The following PIEZO2 variants were observed in gnomAD, a reference collection of about 807,000 sequenced individuals.
PIEZO2 encodes piezo-type mechanosensitive ion channel component 2.
Under a neutral mutation model 337.3 loss-of-function variants are expected in PIEZO2, and 172 were observed. That is an observed-to-expected ratio of 0.51 (90% CI 0.45 to 0.58). PIEZO2 has a LOEUF of 0.58. Ranked by LOEUF, PIEZO2 falls within the 20% of genes least tolerant of loss-of-function variation. The pLI, the probability that PIEZO2 is intolerant of heterozygous loss-of-function variation, is 0.00. For missense variants in PIEZO2, 3,028 were observed against 3,391.3 expected (o/e 0.89, Z 2.66); for synonymous variants, 1,251 against 1,228.5 (o/e 1.02, Z -0.38).
intron 24 of PIEZO2, among the ~76,000 whole-genome samples, chr18:10,760,386 C>A (rs374367535): frequency 6.6e-6 from 1 of 152,292 alleles, no homozygotes; most frequent in African/African-American, 2.4e-5. Context: ...CTCACTGCAA[C>A]CTCTGCCTCC....
chr18:10,853,075 T>C lies in PIEZO2; in HGVS notation c.917+2278A>G, dbSNP rs1430511962. Among the ~76,000 whole-genome samples the C allele has an allele frequency of 6.6e-6, 1 of 152,204 alleles. No homozygotes were observed. The highest frequency in any genetic ancestry group is 2.4e-5 in the African/African-American group (1 of 41,454). ...AAGAGGTAAAATGGCGGAGTTTAACTGGTACATGACCTTGTAGGAGCATTC... is the reference window on the plus strand; with the variant it reads ...AAGAGGTAAAATGGCGGAGTTTAACCGGTACATGACCTTGTAGGAGCATTC... On this transcript the variant is annotated intron_variant, in intron 7 of 55. Coordinates refer to ENST00000674853, the MANE Select transcript of PIEZO2 (RefSeq NM_001378183.1). This position sits in a 1 kb window ranked among gnomAD's most constrained non-coding sequence, Gnocchi z 4.2.
intron 36 of PIEZO2, among the ~76,000 whole-genome samples, chr18:10,730,203 C>T (rs541484633): frequency 2.0e-5 from 3 of 152,344 alleles, no homozygotes; most frequent in East Asian, 1.9e-4. Flanking sequence ...AGACCTACTA[C>T]TTCACAATAC....
intron 47 of PIEZO2, among the ~76,000 whole-genome samples, chr18:10,692,379 C>T (rs1189986857): frequency 6.6e-6 from 1 of 152,080 alleles, no homozygotes; most frequent in Admixed American, 6.6e-5. Flanking sequence ...AATTAAGATC[C>T]ATACTTGAAT....
chr18:11,044,061 C>A lies in PIEZO2; in HGVS notation c.160+22066G>T, dbSNP rs1290765023. 4.0e-5 allele frequency among the ~76,000 whole-genome samples: 6 copies of A among 151,780 alleles called. No homozygotes were observed. In the East Asian group the frequency reaches 1.2e-3, roughly 29 times the overall value. On this transcript the variant is annotated intron_variant, in intron 2 of 55. Coordinates refer to ENST00000674853, the MANE Select transcript of PIEZO2 (RefSeq NM_001378183.1). ...TTTCCCAAGATTTATGCTATTATTC[C>A]TTTCATGCATTTTAATAAAGTAGGA...
At chr18:10,797,578 A>G in intron 11 of PIEZO2, 56 bp from the exon 12 acceptor site, 1 of 1,528,392 alleles carries the variant, frequency 6.5e-7, no homozygotes, top group Non-Finnish European at 8.7e-7. Flanking sequence ...CATTTGTATA[A>G]ATGTTCCAAG....
chr18:10,944,133 C>A (rs1201339905), intron 3 of PIEZO2, among the ~76,000 whole-genome samples: 1 of 151,662 alleles, frequency 6.6e-6, no homozygotes, highest in African/African-American at 2.4e-5. Context: ...TTTTAAACAA[C>A]AAAAAATAAA....
At chr18:10,886,378 G>GTA (rs1214519492) in intron 4 of PIEZO2, among the ~76,000 whole-genome samples, 87 of 3,172 alleles carry the variant, frequency 0.027, 11 homozygotes, top group Non-Finnish European at 0.037. Flanking sequence ...ATGTGTGTGT[G>GTA]TGTATATATA....
In PIEZO2 at chr18:10,762,547, C is replaced by G. The variant is rs898421844; in HGVS notation, c.3202G>C (p.Glu1068Gln). 3.9e-6 allele frequency: 6 copies of G among 1,537,364 alleles called. No homozygotes were observed. The highest frequency in any genetic ancestry group is 3.9e-5 in the Admixed American group (2 of 51,014). The change falls in exon 23 of 56, where the codon GAG (glutamate) becomes CAG (glutamine). Residue 1068 changes from glutamate (E) to glutamine (Q), a missense_variant. By Grantham distance (29) the Glu-to-Gln change is conservative. Transcript: ENST00000674853. ...GAAGACTTCCGCAGGCCGACCCACT[C>G]TGTAGGATCGATAGGAGCGCTGTAG... ...LLYSAPIDPT[E>Q]WVGLRKSSPL...
intron 7 of PIEZO2, among the ~76,000 whole-genome samples, chr18:10,838,827 C>T (rs544475218): frequency 5.9e-5 from 9 of 152,330 alleles, no homozygotes; most frequent in African/African-American, 2.2e-4. Context: ...GTCTTCCACA[C>T]TCCTGGGTTA....
intron 49 of PIEZO2, among the ~76,000 whole-genome samples, chr18:10,683,975 C>T (rs2034392782): frequency 6.6e-6 from 1 of 151,978 alleles, no homozygotes; most frequent in South Asian, 2.1e-4. Context: ...GGAAAGGCCT[C>T]TTAATCCATC....
Position 11,111,998 on chromosome 18 carries a change from G to A in PIEZO2, c.64+36527C>T. On this transcript the variant is annotated intron_variant, in intron 1 of 55. Transcript: ENST00000674853. The surrounding 1 kb of genome is among the most constrained non-coding windows in gnomAD (Gnocchi z 6.2). ...AGGTTCTGACTTAAGAGGGAAAATG[G>A]TAGGGGAGCCGTGAATGAAGTTTCA... Among the ~76,000 whole-genome samples, 1 of 152,160 alleles carries A rather than the reference G, an allele frequency of 6.6e-6. No individual in the cohort carries two copies. The highest frequency in any genetic ancestry group is 1.9e-4 in the East Asian group (1 of 5,196).
intron 7 of PIEZO2, among the ~76,000 whole-genome samples, chr18:10,814,265 C>T (rs1056156786): frequency 6.6e-6 from 1 of 151,816 alleles, no homozygotes; most frequent in African/African-American, 2.4e-5. Context: ...CACCGTGCCC[C>T]GTCCCATACT....
chr18:11,110,351 G>A lies in PIEZO2; in HGVS notation c.64+38174C>T, dbSNP rs779819382. On this transcript the variant is annotated intron_variant, in intron 1 of 55. Coordinates refer to ENST00000674853, the MANE Select transcript of PIEZO2 (RefSeq NM_001378183.1). This position sits in a 1 kb window ranked among gnomAD's most constrained non-coding sequence, Gnocchi z 4.2. ...CTGTTCTTTCTTTTCCAGAAATATC[G>A]TTTTATTTAAGAAGACAGTAGAAAG... 2.6e-5 allele frequency among the ~76,000 whole-genome samples: 4 copies of A among 152,164 alleles called. No individual in the cohort carries two copies. The highest frequency in any genetic ancestry group is 6.5e-5 in the Admixed American group (1 of 15,272).
At position 11,131,525 on chromosome 18, in the gene PIEZO2, G is replaced by A. The variant is rs900525727; in HGVS notation, c.64+17000C>T. On this transcript the variant is annotated intron_variant, in intron 1 of 55. Transcript: ENST00000674853. The surrounding 1 kb of genome is among the most constrained non-coding windows in gnomAD (Gnocchi z 5.3). ...GCTGCAGCACTACAGCCCCTTTCTAGGAAATCCTTGAAGGACAGCGGTGAA... is the reference window on the plus strand; with the variant it reads ...GCTGCAGCACTACAGCCCCTTTCTAAGAAATCCTTGAAGGACAGCGGTGAA... Among the ~76,000 whole-genome samples the A allele has an allele frequency of 7.9e-5, 12 of 152,208 alleles. No homozygotes were observed. The highest frequency in any genetic ancestry group is 2.9e-4 in the African/African-American group (12 of 41,464).
At chr18:10,860,690 C>T (rs2041849075) in intron 5 of PIEZO2, among the ~76,000 whole-genome samples, 1 of 152,202 alleles carries the variant, frequency 6.6e-6, no homozygotes, top group Admixed American at 6.5e-5. Flanking sequence ...ACAGCAAGGG[C>T]CTCCTGGGTC....
chr18:10,671,598 A>C lies in PIEZO2; in HGVS notation c.8527T>G (p.Tyr2843Asp). ...CGATATAGGAATATTAATTTGGCATAGAGATCTTCTTCTAGCTCCAGTTCT... is the reference window on the plus strand; with the variant it reads ...CGATATAGGAATATTAATTTGGCATCGAGATCTTCTTCTAGCTCCAGTTCT... ...TGELELEEDL[Y>D]AKLIFLYRSP... Residue 2843 changes from tyrosine (Y) to aspartate (D), a missense_variant, in exon 56 of 56, where the codon TAT becomes GAT. Coordinates refer to ENST00000674853, the MANE Select transcript of PIEZO2 (RefSeq NM_001378183.1). The C allele has an allele frequency of 6.2e-7, 1 of 1,613,950 alleles. No individual in the cohort carries two copies. Among genetic ancestry groups the C allele is most frequent in the East Asian group, 2.2e-5 (1 of 44,860 alleles).
At position 11,109,801 on chromosome 18, in the gene PIEZO2, G is replaced by T. The variant is rs1223281651; in HGVS notation, c.64+38724C>A. Among the ~76,000 whole-genome samples the T allele has an allele frequency of 2.6e-5, 4 of 152,182 alleles. No individual in the cohort carries two copies. Among genetic ancestry groups the T allele is most frequent in the Middle Eastern group, 3.2e-3 (1 of 316 alleles). The stretch of plus-strand genomic sequence containing the variant: ...GTTTGTCTATTCTGGATACAAGTGA[G>T]ATGCTGAAATCTTAGATATACAGAT... On this transcript the variant is annotated intron_variant, in intron 1 of 55. Transcript: ENST00000674853. The surrounding 1 kb of genome is among the most constrained non-coding windows in gnomAD (Gnocchi z 5.1).
intron 4 of PIEZO2, among the ~76,000 whole-genome samples, chr18:10,909,185 T>C (rs1017943987): frequency 3.9e-5 from 6 of 152,258 alleles, no homozygotes; most frequent in East Asian, 1.9e-4. Flanking sequence ...TCCCAGAGGC[T>C]GAACGTGAAA....
rs1259209221 is a variant in PIEZO2, at chr18:10,713,410, A to G, written c.5423+1354T>C. Reference sequence around the variant, plus strand: ...TTGTAATTCCAACATCCAGTTGTCTATTTTGGGTTTGATATCAATAAAATG... The same window carrying G: ...TTGTAATTCCAACATCCAGTTGTCTGTTTTGGGTTTGATATCAATAAAATG... On this transcript the variant is annotated intron_variant, in intron 39 of 55. Transcript: ENST00000674853. This position sits in a 1 kb window ranked among gnomAD's most constrained non-coding sequence, Gnocchi z 4.5. Among the ~76,000 whole-genome samples the G allele has an allele frequency of 6.6e-6, 1 of 151,868 alleles. No individual in the cohort carries two copies.
Sources: allele counts gnomAD v4.1 joint callset (sites outside exome capture counted in the v4.1 genomes callset), GRCh38; gene constraint gnomAD v4.1.1; non-coding constraint Gnocchi (gnomAD v3.1); transcripts MANE v1.5; gene names NCBI Gene and HGNC (gene_info 2026-07-23, HGNC 2026-07-21).